The following CSMD1 variants were observed in gnomAD, a reference collection of about 807,000 sequenced individuals.
The protein encoded by CSMD1 is CUB and sushi domain-containing protein 1.
Under a neutral mutation model 417.5 loss-of-function variants are expected in CSMD1, and 213 were observed. The observed-to-expected ratio is 0.51, with a 90% CI of 0.46 to 0.57. The LOEUF (loss-of-function observed/expected upper bound fraction) is 0.57. Ranked by LOEUF, CSMD1 falls within the 20% of genes least tolerant of loss-of-function variation. CSMD1 has a pLI of 0.00. For synonymous variants in CSMD1, 2,862 were observed against 1,736.8 expected, an observed-to-expected ratio of 1.65 and a Z score of -16.11; for missense variants, 6,923 against 4,529.7, an observed-to-expected ratio of 1.53 and a Z score of -15.17.
chr8:2,987,841 A>G (rs1389767568), intron 54 of CSMD1, among the ~76,000 whole-genome samples: 2 of 152,074 alleles, frequency 1.3e-5, no homozygotes, highest in African/African-American at 4.8e-5. Context: ...GCTCCTTCCC[A>G]TCCACTTCCT....
chr8:4,851,414 T>G (rs1208208965), intron 1 of CSMD1, among the ~76,000 whole-genome samples: 1 of 152,132 alleles, frequency 6.6e-6, no homozygotes, highest in Non-Finnish European at 1.5e-5. Flanking sequence ...TTTTCCTGGC[T>G]GCATCTTCTT....
Position 4,564,011 on chromosome 8 carries a change from C to T in CSMD1, c.302+73331G>A, listed in dbSNP as rs533982465. On this transcript the variant is annotated intron_variant, in intron 2 of 69. Coordinates refer to ENST00000635120, the MANE Select transcript of CSMD1 (RefSeq NM_033225.6). ...ATTCCCAGGAAAATGAGGAGTTACGCCCATGGAGTTGCAACTCATGGAAGC... is the reference window on the plus strand; with the variant it reads ...ATTCCCAGGAAAATGAGGAGTTACGTCCATGGAGTTGCAACTCATGGAAGC... 5.9e-5 allele frequency among the ~76,000 whole-genome samples: 9 copies of T among 152,278 alleles called. No individual in the cohort carries two copies. In the South Asian group the frequency reaches 1.9e-3, roughly 32 times the overall value.
intron 5 of CSMD1, among the ~76,000 whole-genome samples, chr8:3,841,696 G>A (rs752751077): frequency 6.6e-5 from 10 of 152,184 alleles, no homozygotes; most frequent in African/African-American, 2.4e-4. Context: ...AGAACCTAGT[G>A]ATTATAATAT....
At chr8:3,059,541 G>A (rs998384435) in intron 49 of CSMD1, among the ~76,000 whole-genome samples, 2 of 152,158 alleles carry the variant, frequency 1.3e-5, no homozygotes, top group African/African-American at 4.8e-5. Context: ...GGGCCCAGGT[G>A]ACAGGCATGT....
intron 2 of CSMD1, among the ~76,000 whole-genome samples, chr8:4,448,654 G>A (rs547395905): frequency 4.4e-4 from 67 of 152,248 alleles, no homozygotes; most frequent in African/African-American, 1.6e-3. Flanking sequence ...ACCAACATAT[G>A]TCAACATCTG....
At chr8:3,291,972 A>C (rs922964409) in intron 25 of CSMD1, among the ~76,000 whole-genome samples, 1 of 151,804 alleles carries the variant, frequency 6.6e-6, no homozygotes, top group Non-Finnish European at 1.5e-5. Flanking sequence ...TTAGTGCTAT[A>C]AATTTTCCTC....
At position 3,469,546 on chromosome 8, in the gene CSMD1, T is replaced by G. The variant is rs1265070698; in HGVS notation, c.1449-722A>C. 1.3e-5 allele frequency among the ~76,000 whole-genome samples: 2 copies of G among 151,906 alleles called. 1 individual carries two copies. Among genetic ancestry groups the G allele is most frequent in the Admixed American group, 1.3e-4 (2 of 15,256 alleles). ...TCAGCCAGTGAAAAGAAACACTAAATCCATTGATTGAACTCAACATGCTGA... is the reference window on the plus strand; with the variant it reads ...TCAGCCAGTGAAAAGAAACACTAAAGCCATTGATTGAACTCAACATGCTGA... On this transcript the variant is annotated intron_variant, in intron 11 of 69. Transcript: ENST00000635120.
chr8:3,304,002 C>G (rs1804616900), intron 25 of CSMD1, among the ~76,000 whole-genome samples: 2 of 152,004 alleles, frequency 1.3e-5, no homozygotes, highest in Non-Finnish European at 2.9e-5. Flanking sequence ...AGGAATAGCA[C>G]TATATAAGCA....
chr8:3,789,589 T>C (rs570707252), intron 5 of CSMD1, among the ~76,000 whole-genome samples: 1 of 151,894 alleles, frequency 6.6e-6, no homozygotes, highest in Non-Finnish European at 1.5e-5. Context: ...AAAGCTTATA[T>C]GACTAGAGAT....
At chr8:4,008,030 T>C (rs1384147772) in intron 4 of CSMD1, among the ~76,000 whole-genome samples, 4 of 152,260 alleles carry the variant, frequency 2.6e-5, no homozygotes, top group African/African-American at 9.6e-5. Context: ...TGTGTGTTTT[T>C]GCTTTGCTTG....
At chr8:3,315,134 A>G (rs979456915) in intron 23 of CSMD1, among the ~76,000 whole-genome samples, 23 of 152,332 alleles carry the variant, frequency 1.5e-4, no homozygotes, top group Middle Eastern at 3.4e-3. Context: ...TCTTTGGCAA[A>G]AATCTCTTTA....
chr8:3,227,136 C>G (rs1162328521), intron 27 of CSMD1, among the ~76,000 whole-genome samples: 1 of 152,094 alleles, frequency 6.6e-6, no homozygotes, highest in Admixed American at 6.6e-5. Flanking sequence ...CACGATGGCT[C>G]ACACCTGCAA....
chr8:3,051,686 A>C, intron 50 of CSMD1, among the ~76,000 whole-genome samples: 1 of 152,350 alleles, frequency 6.6e-6, no homozygotes, highest in South Asian at 2.1e-4. Context: ...TAGAACCATA[A>C]AAATTCATTG....
intron 1 of CSMD1, among the ~76,000 whole-genome samples, chr8:4,899,042 G>A (rs1585287995): frequency 6.6e-6 from 1 of 152,150 alleles, no homozygotes; most frequent in East Asian, 1.9e-4. Context: ...CTCCTTTGGG[G>A]ACAGCTTGAT....
intron 3 of CSMD1, among the ~76,000 whole-genome samples, chr8:4,129,883 G>C (rs1464852130): frequency 6.6e-6 from 1 of 151,818 alleles, no homozygotes; most frequent in Non-Finnish European, 1.5e-5. Flanking sequence ...TTCTTGTTTT[G>C]TGAATATAAT....
At chr8:3,497,957 C>T (rs1331414315) in intron 10 of CSMD1, among the ~76,000 whole-genome samples, 1 of 152,130 alleles carries the variant, frequency 6.6e-6, no homozygotes, top group Non-Finnish European at 1.5e-5. Flanking sequence ...TGAAGGGCTC[C>T]CATAAGCATT....
At chr8:4,471,555 T>A (rs1246810815) in intron 2 of CSMD1, among the ~76,000 whole-genome samples, 1 of 151,984 alleles carries the variant, frequency 6.6e-6, no homozygotes, top group Non-Finnish European at 1.5e-5. Flanking sequence ...CAGTGCATGG[T>A]GTTTAATAAC....
chr8:3,788,585 C>A (rs567619596), intron 5 of CSMD1, among the ~76,000 whole-genome samples: 1 of 152,124 alleles, frequency 6.6e-6, no homozygotes, highest in Non-Finnish European at 1.5e-5. Context: ...TTAAATCTTA[C>A]CAAAGGTGTT....
At chr8:4,696,570 T>C (rs962675290) in intron 1 of CSMD1, among the ~76,000 whole-genome samples, 6 of 152,204 alleles carry the variant, frequency 3.9e-5, no homozygotes, top group Non-Finnish European at 2.9e-5. Context: ...CAGAATGATA[T>C]AGGAATAACA....
Sources: gnomAD v4.1 joint callset for allele counts (sites outside exome capture counted in the v4.1 genomes callset) on GRCh38, gnomAD v4.1.1 for gene constraint, MANE v1.5 for transcripts, NCBI Gene and HGNC (gene_info 2026-07-23, HGNC 2026-07-21) for gene names.